Variants in GALNT18 observed in about 807,000 individuals in gnomAD.
The protein encoded by GALNT18 is polypeptide N-acetylgalactosaminyltransferase 18.
In GALNT18, 44 loss-of-function variants were observed where a neutral mutation model predicts 69.5. The ratio of observed to expected loss-of-function variants is 0.63; its 90% CI spans 0.50 to 0.81. The LOEUF (loss-of-function observed/expected upper bound fraction) is 0.81, where lower values mean the gene tolerates loss of function less well. Among genes scored for constraint, GALNT18 ranks in the 40% least tolerant of loss-of-function variants. The pLI is 0.00. For synonymous variants in GALNT18, 364 were observed against 318.2 expected (o/e 1.14, Z -1.53); for missense variants, 715 against 810.0 (o/e 0.88, Z 1.42).
chr11:11,563,492 C>T lies in GALNT18; in HGVS notation c.235+57867G>A, dbSNP rs1016047815. Among the ~76,000 whole-genome samples the T allele has an allele frequency of 2.0e-5, 3 of 152,172 alleles. No homozygotes were observed. Among genetic ancestry groups the T allele is most frequent in the African/African-American group, 4.8e-5 (2 of 41,438 alleles). On this transcript the variant is annotated intron_variant, in intron 1 of 10. Coordinates refer to ENST00000227756, the MANE Select transcript of GALNT18 (RefSeq NM_198516.3). This position sits in a 1 kb window ranked among gnomAD's most constrained non-coding sequence, Gnocchi z 4.6. ...AGTTTCCAACTTGTGAGTTTGAACA[C>T]TTAAGCTGAAAAAGGATTTAAATGC...
intron 6 of GALNT18, among the ~76,000 whole-genome samples, chr11:11,343,898 G>A (rs1031046876): frequency 8.5e-5 from 13 of 152,204 alleles, no homozygotes; most frequent in South Asian, 4.2e-4. Flanking sequence ...CTTTAGACAC[G>A]GTACAAGGAG....
At chr11:11,287,339 A>G (rs1385160049) in intron 10 of GALNT18, among the ~76,000 whole-genome samples, 1 of 152,214 alleles carries the variant, frequency 6.6e-6, no homozygotes, top group Non-Finnish European at 1.5e-5. Flanking sequence ...ATCTTTGAAC[A>G]GAGGACTCCC....
intron 1 of GALNT18, among the ~76,000 whole-genome samples, chr11:11,510,727 C>T (rs1857149364): frequency 6.6e-6 from 1 of 152,212 alleles, no homozygotes; most frequent in African/African-American, 2.4e-5. Flanking sequence ...GTTGGCCCAT[C>T]TATCTTTTCT....
At chr11:11,554,859 G>A (rs1352566738) in intron 1 of GALNT18, among the ~76,000 whole-genome samples, 1 of 152,168 alleles carries the variant, frequency 6.6e-6, no homozygotes, top group African/African-American at 2.4e-5. Context: ...GCCTGTTTCT[G>A]ACAGTGTCTG....
intron 1 of GALNT18, among the ~76,000 whole-genome samples, chr11:11,565,557 A>G (rs543085386): frequency 6.6e-6 from 1 of 152,350 alleles, no homozygotes; most frequent in South Asian, 2.1e-4. Flanking sequence ...AAATTCCACA[A>G]GATGGTCCTA....
At chr11:11,474,043 G>A (rs577510178) in intron 1 of GALNT18, among the ~76,000 whole-genome samples, 9 of 152,290 alleles carry the variant, frequency 5.9e-5, no homozygotes, top group East Asian at 1.9e-4. Context: ...CAGCCTGGGC[G>A]ACAGAGTAAG....
At chr11:11,531,982 C>T (rs4992806) in intron 1 of GALNT18, among the ~76,000 whole-genome samples, 57,979 of 152,032 alleles carry the variant, frequency 0.38, 11,483 homozygotes, top group African/African-American at 0.42. Flanking sequence ...GCTGTGTATG[C>T]GTGTGTGTCA....
At chr11:11,354,881 C>T (rs535362544) in intron 6 of GALNT18, among the ~76,000 whole-genome samples, 32 of 152,242 alleles carry the variant, frequency 2.1e-4, no homozygotes, top group Middle Eastern at 3.4e-3. Context: ...ATCTAATAGC[C>T]GAAGCCTGTA....
chr11:11,496,817 C>G lies in GALNT18; in HGVS notation c.236-47881G>C, dbSNP rs1856874352. On this transcript the variant is annotated intron_variant, in intron 1 of 10. Coordinates refer to ENST00000227756, the MANE Select transcript of GALNT18 (RefSeq NM_198516.3). The surrounding 1 kb of genome is among the most constrained non-coding windows in gnomAD (Gnocchi z 4.0). ...CTGGGTCTCTCCAATGGCCTCCCAC[C>G]TAATCAACCACTTCTACGCCAGTTC... 6.6e-6 allele frequency among the ~76,000 whole-genome samples: 1 copy of G among 151,756 alleles called. No individual in the cohort carries two copies. The highest frequency in any genetic ancestry group is 1.5e-5 in the Non-Finnish European group (1 of 67,974).
In GALNT18 at chr11:11,402,714, A is replaced by C. The variant is rs1205714207; in HGVS notation, c.596-23450T>G. Among the ~76,000 whole-genome samples, 1 of 152,244 alleles carries C rather than the reference A, an allele frequency of 6.6e-6. No individual in the cohort carries two copies. Among genetic ancestry groups the C allele is most frequent in the African/African-American group, 2.4e-5 (1 of 41,464 alleles). On this transcript the variant is annotated intron_variant, in intron 3 of 10. Transcript: ENST00000227756. The surrounding 1 kb of genome is among the most constrained non-coding windows in gnomAD (Gnocchi z 4.0). ...GAACTATAAATCCCAGTCATTTTCCAAACCTAAAGTGTGGCATTTTAATGC... is the reference window on the plus strand; with the variant it reads ...GAACTATAAATCCCAGTCATTTTCCCAACCTAAAGTGTGGCATTTTAATGC...
intron 6 of GALNT18, among the ~76,000 whole-genome samples, chr11:11,345,497 T>C (rs1850286418): frequency 6.6e-6 from 1 of 152,124 alleles, no homozygotes; most frequent in Non-Finnish European, 1.5e-5. Context: ...TCATGGTGAA[T>C]GACATCATGG....
At chr11:11,304,197 C>G (rs949709310) in intron 9 of GALNT18, among the ~76,000 whole-genome samples, 2 of 152,214 alleles carry the variant, frequency 1.3e-5, no homozygotes, top group African/African-American at 2.4e-5. Context: ...CTGGAGCTGT[C>G]CTAGTTCCTG....
At chr11:11,446,715 C>T (rs1012846461) in intron 2 of GALNT18, among the ~76,000 whole-genome samples, 4 of 152,216 alleles carry the variant, frequency 2.6e-5, no homozygotes, top group Non-Finnish European at 4.4e-5. Context: ...TGCTCCCAGC[C>T]TTGCCCCCTC....
chr11:11,349,548 A>T (rs1283184160), intron 6 of GALNT18, among the ~76,000 whole-genome samples: 2 of 152,318 alleles, frequency 1.3e-5, no homozygotes, highest in South Asian at 2.1e-4. Flanking sequence ...ATTACTAGTG[A>T]GAGAGAGGTT....
At position 11,591,190 on chromosome 11, in the gene GALNT18, T is replaced by G. The variant is rs1489110638; in HGVS notation, c.235+30169A>C. Among the ~76,000 whole-genome samples, 2 of 131,352 alleles carry G rather than the reference T, an allele frequency of 1.5e-5. No homozygotes were observed. Among genetic ancestry groups the G allele is most frequent in the Non-Finnish European group, 3.3e-5 (2 of 60,596 alleles). The allele number at this position is 131,352 out of a possible 152,430, so 86.2% of individuals were successfully genotyped here. On this transcript the variant is annotated intron_variant, in intron 1 of 10. Coordinates refer to ENST00000227756, the MANE Select transcript of GALNT18 (RefSeq NM_198516.3). This position sits in a 1 kb window ranked among gnomAD's most constrained non-coding sequence, Gnocchi z 4.8. ...TGTGTGTGTGTGTGTGTGTGTTAGT[T>G]TTTAAGCCTTTTTAAGGCCTTTTTA...
rs917668466 is a variant in GALNT18, at chr11:11,618,476, T to G, written c.235+2883A>C. Among the ~76,000 whole-genome samples, 17 of 152,194 alleles carry G rather than the reference T, an allele frequency of 1.1e-4. No homozygotes were observed. The highest frequency in any genetic ancestry group is 3.9e-4 in the African/African-American group (16 of 41,444). On this transcript the variant is annotated intron_variant, in intron 1 of 10. Coordinates refer to ENST00000227756, the MANE Select transcript of GALNT18 (RefSeq NM_198516.3). The surrounding 1 kb of genome is among the most constrained non-coding windows in gnomAD (Gnocchi z 6.1). ...CAAAACCTGAGTTTATCTATGGAGT[T>G]TCCAAGTGGGAAGGCTGCTGACTCC...
intron 1 of GALNT18, among the ~76,000 whole-genome samples, chr11:11,615,760 G>A (rs1444753463): frequency 6.6e-6 from 1 of 152,052 alleles, no homozygotes; most frequent in Non-Finnish European, 1.5e-5. Flanking sequence ...GGAGGGGAGG[G>A]AGCACCTACA....
At chr11:11,328,403 A>C (rs1047195171) in intron 8 of GALNT18, among the ~76,000 whole-genome samples, 6 of 152,190 alleles carry the variant, frequency 3.9e-5, no homozygotes, top group Non-Finnish European at 5.9e-5. Context: ...CAGGGAGGCT[A>C]TCTATCTGCG....
intron 1 of GALNT18, among the ~76,000 whole-genome samples, chr11:11,486,585 T>A (rs1856649726): frequency 6.6e-6 from 1 of 152,260 alleles, no homozygotes. Flanking sequence ...TACAGTGTAC[T>A]ATCTTTATTA....
Sources: gnomAD v4.1 joint callset for allele counts (sites outside exome capture counted in the v4.1 genomes callset) on GRCh38, gnomAD v4.1.1 for gene constraint, Gnocchi (gnomAD v3.1) non-coding constraint, MANE v1.5 for transcripts, NCBI Gene and HGNC (gene_info 2026-07-23, HGNC 2026-07-21) for gene names.